NSG1: variants seen among roughly 807,000 people sequenced by gnomAD.
NSG1 encodes the protein neuronal vesicle trafficking-associated protein 1.
Under a neutral mutation model 19.3 loss-of-function variants are expected in NSG1, and 9 were observed. The ratio of observed to expected loss-of-function variants is 0.47; its 90% CI spans 0.28 to 0.81. The LOEUF (loss-of-function observed/expected upper bound fraction) is 0.81, where lower values mean the gene tolerates loss of function less well. Among genes scored for constraint, NSG1 ranks in the 40% least tolerant of loss-of-function variants. NSG1 has a pLI of 0.11. For missense variants in NSG1, 236 were observed against 242.4 expected (o/e 0.97, Z 0.18); for synonymous variants, 104 against 107.0 (o/e 0.97, Z 0.17).
At position 4,417,363 on chromosome 4, in the gene NSG1, G is replaced by T. The variant is rs1036801486; in HGVS notation, c.486G>T (p.Ser162=). The change falls in exon 5 of 5, where the codon TCG becomes TCT. Residue 162 remains serine (S), a synonymous_variant. Coordinates refer to ENST00000621129, the MANE Select transcript of NSG1 (RefSeq NM_014392.5). The part of the protein sequence containing the change: ...LAKQSITRSV[S]PWMSVLSEEK... Reference sequence around the variant, plus strand: ...AGCAGAGCATCACGCGCTCCGTATCGCCCTGGATGTCAGTTCTGTCAGAAG... The same window carrying T: ...AGCAGAGCATCACGCGCTCCGTATCTCCCTGGATGTCAGTTCTGTCAGAAG... 6.2e-7 allele frequency: 1 copy of T among 1,614,044 alleles called. No individual in the cohort carries two copies. The highest frequency in any genetic ancestry group is 1.3e-5 in the African/African-American group (1 of 74,914).
intron 3 of NSG1, among the ~76,000 whole-genome samples, chr4:4,394,518 T>C (rs1723155931): frequency 6.6e-6 from 1 of 152,126 alleles, no homozygotes; most frequent in African/African-American, 2.4e-5. Flanking sequence ...GGTCCATTGG[T>C]GTGGCCCTTC....
At chr4:4,409,073 G>C (rs1724022386) in intron 3 of NSG1, among the ~76,000 whole-genome samples, 1 of 152,288 alleles carries the variant, frequency 6.6e-6, no homozygotes, top group South Asian at 2.1e-4. Flanking sequence ...TGGGGCTGCA[G>C]AGGTTCTGTC....
rs573400335 is a variant in NSG1, at chr4:4,408,209, C to G, written c.247-1364C>G. Among the ~76,000 whole-genome samples, 4 of 152,238 alleles carry G rather than the reference C, an allele frequency of 2.6e-5. No homozygotes were observed. In the South Asian group the frequency reaches 6.2e-4, roughly 24 times the overall value. On this transcript the variant is annotated intron_variant, in intron 3 of 4. Coordinates refer to ENST00000621129, the MANE Select transcript of NSG1 (RefSeq NM_014392.5). ...TCGGGACTGCAGCCTTAGGAAGCAG[C>G]AGAGCTCCCCAGTTCTTTAACCTTG... is the stretch of plus-strand genomic sequence containing the variant.
At chr4:4,395,386 T>A (rs1196924024) in intron 3 of NSG1, among the ~76,000 whole-genome samples, 1 of 152,114 alleles carries the variant, frequency 6.6e-6, no homozygotes, top group Non-Finnish European at 1.5e-5. Flanking sequence ...CTGGGAAGGA[T>A]GAGGAGGGCT....
intron 3 of NSG1, among the ~76,000 whole-genome samples, chr4:4,407,971 G>A (rs1427468172): frequency 3.3e-5 from 5 of 152,068 alleles, no homozygotes; most frequent in South Asian, 2.1e-4. Flanking sequence ...CAGGGTGGCC[G>A]CCCGTCTCCC....
intron 3 of NSG1, among the ~76,000 whole-genome samples, chr4:4,392,659 C>G (rs1006682520): frequency 6.6e-6 from 1 of 152,220 alleles, no homozygotes; most frequent in Non-Finnish European, 1.5e-5. Context: ...TCAGTCCCTC[C>G]TTCTTCCCGT....
At chr4:4,409,508 C>T (rs7686577) in intron 3 of NSG1, 65 bp from the exon 4 acceptor site, 175,357 of 1,182,858 alleles carry the variant, frequency 0.15, 14,356 homozygotes, top group African/African-American at 0.29. Flanking sequence ...CCTTCGTGTG[C>T]GGGTGTGTGT....
rs1032271771 is a variant in NSG1, at chr4:4,417,940, G to A, written c.*505G>A. Reference sequence around the variant, plus strand: ...TGCACTGTAGTAAGTAAGTGGCATAGAGAACGAGGAAAAAGACCCCCCCAC... The same window carrying A: ...TGCACTGTAGTAAGTAAGTGGCATAAAGAACGAGGAAAAAGACCCCCCCAC... On this transcript the variant is annotated 3_prime_UTR_variant, in exon 5 of 5. Transcript: ENST00000621129. 4.1e-5 allele frequency: 7 copies of A among 171,328 alleles called. No homozygotes were observed. The highest frequency in any genetic ancestry group is 1.7e-4 in the African/African-American group (7 of 41,580). The allele number at this position is 171,328 out of a possible 1,614,324, so 10.6% of individuals were successfully genotyped here.
rs754128859 is a variant in NSG1, at chr4:4,417,922, T to TAGTA, written c.*495_*498dup. On this transcript the variant is annotated 3_prime_UTR_variant, in exon 5 of 5. Transcript: ENST00000621129. ...TGCTGACTGCTGCCAAGGTGCACTG[T>TAGTA]AGTAAGTAAGTGGCATAGAGAACGA... The TAGTA allele has an allele frequency of 5.2e-6, 1 of 191,816 alleles. No individual in the cohort carries two copies. Among genetic ancestry groups the TAGTA allele is most frequent in the African/African-American group, 2.4e-5 (1 of 41,784 alleles). 11.9% of individuals were successfully genotyped at this position (191,816 alleles called of 1,614,324 possible).
intron 3 of NSG1, among the ~76,000 whole-genome samples, chr4:4,402,881 T>TATCA (rs896190737): frequency 6.6e-6 from 1 of 151,360 alleles, no homozygotes; most frequent in Non-Finnish European, 1.5e-5. Flanking sequence ...AGACACTGTC[T>TATCA]ATCAACCCAC....
intron 3 of NSG1, among the ~76,000 whole-genome samples, chr4:4,397,508 C>T (rs1333894101): frequency 2.0e-5 from 3 of 152,218 alleles, no homozygotes; most frequent in African/African-American, 7.2e-5. Flanking sequence ...CTGAGCTGGG[C>T]AGTGGCCCCA....
Position 4,417,582 on chromosome 4 carries a change from A to G in NSG1, c.*147A>G. 2.4e-6 allele frequency: 2 copies of G among 824,338 alleles called. No individual in the cohort carries two copies. The highest frequency in any genetic ancestry group is 3.6e-5 in the South Asian group (2 of 55,964). 51.1% of individuals were successfully genotyped at this position (824,338 alleles called of 1,614,324 possible). A position where few individuals can be genotyped will look rare whatever the true frequency, so the allele number is the denominator to read the frequency against. The stretch of plus-strand genomic sequence containing the variant: ...GTTTGCTAATGCTGCTTTGCAAATA[A>G]AACTTGCTGCCGACCACCCACGGGC... On this transcript the variant is annotated 3_prime_UTR_variant, in exon 5 of 5. Transcript: ENST00000621129.
At chr4:4,410,961 G>C (rs755277021) in intron 4 of NSG1, among the ~76,000 whole-genome samples, 3 of 152,120 alleles carry the variant, frequency 2.0e-5, no homozygotes, top group Non-Finnish European at 4.4e-5. Flanking sequence ...GGGTTCAAGC[G>C]ATTCTTCTGC....
intron 3 of NSG1, among the ~76,000 whole-genome samples, chr4:4,400,567 T>G (rs973095732): frequency 2.0e-5 from 3 of 152,240 alleles, no homozygotes; most frequent in Non-Finnish European, 4.4e-5. Flanking sequence ...AATATTATGT[T>G]TTTCAATCTG....
intron 3 of NSG1, among the ~76,000 whole-genome samples, chr4:4,395,955 G>C (rs1205428307): frequency 1.3e-5 from 2 of 152,116 alleles, no homozygotes; most frequent in Non-Finnish European, 2.9e-5. Flanking sequence ...TAATCTCTTG[G>C]CTGTGAGGTT....
At chr4:4,398,446 C>T (rs1723383243) in intron 3 of NSG1, among the ~76,000 whole-genome samples, 1 of 119,688 alleles carries the variant, frequency 8.4e-6, no homozygotes. Context: ...CACTCCCATG[C>T]CCCCCCCCAC....
rs766899085 is a variant in NSG1 at position 4,406,974 on chromosome 4, C to T, written c.247-2599C>T. ...CTCTGCCTGCTTCATCACAGCTCTG[C>T]GCTCTGCTGCCCTGGCCCAGGTGCT... On this transcript the variant is annotated intron_variant, in intron 3 of 4. Coordinates refer to ENST00000621129, the MANE Select transcript of NSG1 (RefSeq NM_014392.5). Among the ~76,000 whole-genome samples, 6 of 152,208 alleles carry T rather than the reference C, an allele frequency of 3.9e-5. No homozygotes were observed. In the South Asian group the frequency reaches 8.3e-4, roughly 21 times the overall value.
At chr4:4,386,973 GCGCACCCACC>G (rs1260705430), upstream of NSG1, 2 of 90,718 alleles carry the variant, frequency 2.2e-5, no homozygotes, top group African/African-American at 6.3e-5. Context: ...GGCCACACGC[GCGCACCCACC>G]CGCGCGCACC....
At chr4:4,410,128 C>A (rs1327155809) in intron 4 of NSG1, among the ~76,000 whole-genome samples, 3 of 152,192 alleles carry the variant, frequency 2.0e-5, no homozygotes, top group Admixed American at 6.5e-5. Flanking sequence ...TTGCCCAAGG[C>A]CACGCAGGGA....
Sources: allele counts gnomAD v4.1 joint callset (sites outside exome capture counted in the v4.1 genomes callset), GRCh38; gene constraint gnomAD v4.1.1; transcripts MANE v1.5; gene names NCBI Gene and HGNC (gene_info 2026-07-23, HGNC 2026-07-21).